KCNIP4: variants seen among roughly 807,000 people sequenced by gnomAD.
KCNIP4 encodes the protein Kv channel-interacting protein 4.
KCNIP4 carries 12 observed loss-of-function variants against 34.0 expected under a neutral mutation model. The observed-to-expected ratio is 0.35, with a 90% CI of 0.23 to 0.57. The LOEUF is 0.57. Ranked by LOEUF, KCNIP4 falls within the 20% of genes least tolerant of loss-of-function variation. The pLI, the probability that KCNIP4 is intolerant of heterozygous loss-of-function variation, is 0.83. For missense variants in KCNIP4, 238 were observed against 311.7 expected (o/e 0.76, Z 1.78); for synonymous variants, 124 against 102.2 (o/e 1.21, Z -1.29).
intron 1 of KCNIP4, among the ~76,000 whole-genome samples, chr4:21,122,826 T>A (rs2109140351): frequency 6.6e-6 from 1 of 152,256 alleles, no homozygotes; most frequent in Admixed American, 6.5e-5. Flanking sequence ...CCAGTTCTAG[T>A]TTCTACCTGA....
chr4:21,046,299 C>G (rs573862215), intron 1 of KCNIP4, among the ~76,000 whole-genome samples: 1 of 152,256 alleles, frequency 6.6e-6, no homozygotes, highest in African/African-American at 2.4e-5. Flanking sequence ...GAATCAAAAC[C>G]CTGGACACTG....
At chr4:21,263,135 G>A (rs896389236) in intron 1 of KCNIP4, among the ~76,000 whole-genome samples, 1 of 152,104 alleles carries the variant, frequency 6.6e-6, no homozygotes, top group South Asian at 2.1e-4. Context: ...TGGTCACACT[G>A]ACATGAGTAA....
intron 1 of KCNIP4, among the ~76,000 whole-genome samples, chr4:21,269,843 A>G (rs1762035542): frequency 6.6e-6 from 1 of 152,206 alleles, no homozygotes; most frequent in Non-Finnish European, 1.5e-5. Flanking sequence ...TCAAGAGATC[A>G]GAGCTCAAAT....
At chr4:20,757,341 G>A (rs1754567195) in intron 4 of KCNIP4, among the ~76,000 whole-genome samples, 1 of 152,140 alleles carries the variant, frequency 6.6e-6, no homozygotes, top group Admixed American at 6.5e-5. Context: ...CCTGCCTGCA[G>A]TATTGCTGAC....
intron 1 of KCNIP4, among the ~76,000 whole-genome samples, chr4:21,166,622 G>A (rs985436226): frequency 1.3e-5 from 2 of 152,084 alleles, no homozygotes; most frequent in African/African-American, 4.8e-5. Context: ...CCCCAAAGTG[G>A]AACAACCCAA....
Position 21,106,744 on chromosome 4 carries a change from A to G in KCNIP4, c.62-224035T>C, listed in dbSNP as rs1254990089. Reference sequence around the variant, plus strand: ...TCTCTTGTGGGCATTTAGTGCTATAAATTTCCCTCTACACACTGCTTTGAA... The same window carrying G: ...TCTCTTGTGGGCATTTAGTGCTATAGATTTCCCTCTACACACTGCTTTGAA... On this transcript the variant is annotated intron_variant, in intron 1 of 8. Transcript: ENST00000382152. Among the ~76,000 whole-genome samples the G allele has an allele frequency of 4.7e-5, 7 of 150,488 alleles. No homozygotes were observed. In the East Asian group the frequency reaches 1.2e-3, roughly 25 times the overall value.
chr4:21,811,742 G>A (rs1002791812), intron 1 of KCNIP4, among the ~76,000 whole-genome samples: 1 of 152,182 alleles, frequency 6.6e-6, no homozygotes, highest in Non-Finnish European at 1.5e-5. Flanking sequence ...AGGAATGTGT[G>A]GAATGACAGG....
At chr4:21,816,843 T>C (rs1722018746) in intron 1 of KCNIP4, among the ~76,000 whole-genome samples, 1 of 152,172 alleles carries the variant, frequency 6.6e-6, no homozygotes, top group South Asian at 2.1e-4. Flanking sequence ...GTTCGGATCT[T>C]GGTTCTGTCA....
intron 3 of KCNIP4, among the ~76,000 whole-genome samples, chr4:20,778,234 C>A (rs1460735173): frequency 6.6e-6 from 1 of 152,090 alleles, no homozygotes; most frequent in Non-Finnish European, 1.5e-5. Flanking sequence ...ATTCTTTGTG[C>A]CAGTTTATTA....
At chr4:20,881,927 G>A (rs751651801) in intron 2 of KCNIP4, among the ~76,000 whole-genome samples, 6 of 152,164 alleles carry the variant, frequency 3.9e-5, no homozygotes, top group Non-Finnish European at 7.3e-5. Context: ...ACTTCCAGCT[G>A]CCAGCATATT....
chr4:21,407,566 C>T (rs1255481072), intron 1 of KCNIP4, among the ~76,000 whole-genome samples: 3 of 152,070 alleles, frequency 2.0e-5, no homozygotes, highest in Admixed American at 6.5e-5. Context: ...ATTGTAAGTT[C>T]TAATACACTC....
chr4:20,821,509 G>C (rs1394819228), intron 3 of KCNIP4, among the ~76,000 whole-genome samples: 1 of 152,094 alleles, frequency 6.6e-6, no homozygotes, highest in Non-Finnish European at 1.5e-5. Context: ...AATAGTGTTT[G>C]AGGTACAGGT....
chr4:20,861,715 A>G (rs911206151), intron 2 of KCNIP4, among the ~76,000 whole-genome samples: 3 of 152,166 alleles, frequency 2.0e-5, no homozygotes, highest in African/African-American at 7.2e-5. Context: ...TGCAATTTCC[A>G]TTCTAGGAGA....
At chr4:21,594,580 A>G (rs1179699271) in intron 1 of KCNIP4, among the ~76,000 whole-genome samples, 1 of 152,030 alleles carries the variant, frequency 6.6e-6, no homozygotes, top group South Asian at 2.1e-4. Context: ...TATAATGGGG[A>G]GGAGGGATGA....
At chr4:21,305,518 A>G in intron 1 of KCNIP4, among the ~76,000 whole-genome samples, 1 of 152,216 alleles carries the variant, frequency 6.6e-6, no homozygotes, top group East Asian at 1.9e-4. Flanking sequence ...GGGTTGCCAG[A>G]GGAATCAATC....
chr4:21,327,554 C>T (rs1715209910), intron 1 of KCNIP4, among the ~76,000 whole-genome samples: 1 of 151,984 alleles, frequency 6.6e-6, no homozygotes, highest in African/African-American at 2.4e-5. Flanking sequence ...GCTTGATGTT[C>T]TATAAGCTTC....
At chr4:21,264,394 T>TACA (rs1236918388) in intron 1 of KCNIP4, among the ~76,000 whole-genome samples, 1 of 152,292 alleles carries the variant, frequency 6.6e-6, no homozygotes, top group African/African-American at 2.4e-5. Flanking sequence ...AAAGGGTCCT[T>TACA]ACAACACTGG....
chr4:21,195,724 T>C (rs1284370039), intron 1 of KCNIP4, among the ~76,000 whole-genome samples: 1 of 152,210 alleles, frequency 6.6e-6, no homozygotes, highest in Non-Finnish European at 1.5e-5. Flanking sequence ...GTGATAGTTA[T>C]TCACCTTCTA....
intron 1 of KCNIP4, among the ~76,000 whole-genome samples, chr4:21,400,317 T>G (rs1028541695): frequency 1.3e-5 from 2 of 150,502 alleles, no homozygotes; most frequent in African/African-American, 5.0e-5. Context: ...TAATGCCTGA[T>G]GGATTAGTAT....
Sources: gnomAD v4.1 joint callset for allele counts (sites outside exome capture counted in the v4.1 genomes callset) on GRCh38, gnomAD v4.1.1 for gene constraint, MANE v1.5 for transcripts, NCBI Gene and HGNC (gene_info 2026-07-23, HGNC 2026-07-21) for gene names.